ARID3B: variants seen among roughly 807,000 people sequenced by gnomAD.
ARID3B encodes AT-rich interaction domain 3B.
Under a neutral mutation model 51.9 loss-of-function variants are expected in ARID3B, and 10 were observed. That is an observed-to-expected ratio of 0.19 (90% CI 0.12 to 0.33). The LOEUF is 0.33. Among genes scored for constraint, ARID3B ranks in the 10% least tolerant of loss-of-function variants. The pLI is 1.00. For synonymous variants in ARID3B, 205 were observed against 279.5 expected (o/e 0.73, Z 2.66); for missense variants, 483 against 716.3 (o/e 0.67, Z 3.72).
Position 74,593,209 on chromosome 15 carries a change from G to A in ARID3B, c.1492G>A (p.Val498Met). Residue 498 changes from valine to methionine, a missense_variant, in exon 8 of 9, where the codon GTG becomes ATG. Val to Met is a conservative substitution (Grantham distance 21, BLOSUM62 1). Transcript: ENST00000346246. ...TSSIGSINMS[V>M]DIDGTTYAGV... Reference sequence around the variant, plus strand: ...TAGCATTGGGAGCATTAACATGTCTGTGGACATCGATGGCACCACCTATGC... The same window carrying A: ...TAGCATTGGGAGCATTAACATGTCTATGGACATCGATGGCACCACCTATGC... 1 of 1,613,448 alleles carries A rather than the reference G, an allele frequency of 6.2e-7. No homozygotes were observed. The highest frequency in any genetic ancestry group is 1.3e-5 in the African/African-American group (1 of 75,048).
intron 2 of ARID3B, among the ~76,000 whole-genome samples, chr15:74,555,571 A>G (rs1182663761): frequency 4.6e-5 from 7 of 152,068 alleles, no homozygotes; most frequent in African/African-American, 1.7e-4. Context: ...GGTTCAAGCA[A>G]TCCTCCTGCC....
At chr15:74,557,975 C>T (rs1397585766) in intron 2 of ARID3B, among the ~76,000 whole-genome samples, 2 of 151,838 alleles carry the variant, frequency 1.3e-5, no homozygotes, top group East Asian at 3.9e-4. Context: ...GCGCCCGCCA[C>T]CACGCCTAGC....
At chr15:74,541,706 T>G in intron 1 of ARID3B, among the ~76,000 whole-genome samples, 3 of 148,994 alleles carry the variant, frequency 2.0e-5, no homozygotes, top group African/African-American at 5.0e-5. Flanking sequence ...CGTGCAGGGG[T>G]GACCGGGAAG....
At chr15:74,556,413 A>G (rs2061657902) in intron 2 of ARID3B, among the ~76,000 whole-genome samples, 1 of 152,216 alleles carries the variant, frequency 6.6e-6, no homozygotes, top group East Asian at 1.9e-4. Flanking sequence ...GACTGATCAC[A>G]GATCACCATA....
chr15:74,550,433 C>T (rs1457227619), intron 2 of ARID3B, among the ~76,000 whole-genome samples: 6 of 152,070 alleles, frequency 3.9e-5, no homozygotes, highest in Non-Finnish European at 8.8e-5. Context: ...TGGCTCACAC[C>T]TGTAATCCCA....
chr15:74,550,605 G>A (rs1017686700), intron 2 of ARID3B, among the ~76,000 whole-genome samples: 1 of 151,910 alleles, frequency 6.6e-6, no homozygotes, highest in Non-Finnish European at 1.5e-5. Flanking sequence ...TACTCCGGAG[G>A]CTGAGGCAGG....
chr15:74,591,193 C>T lies in ARID3B; in HGVS notation c.924C>T (p.Ala308=), dbSNP rs758444015. ...ATGCCTATGAGTGTGAGAAGAAAGC[C>T]TTGAGTTCCCCAGCCGAGCTCCAGG... ...YLYAYECEKK[A]LSSPAELQAA... The change falls in exon 6 of 9, where the codon GCC becomes GCT. Residue 308 remains alanine, a synonymous_variant. Coordinates refer to ENST00000346246, the MANE Select transcript of ARID3B (RefSeq NM_006465.4). This position sits in a 1 kb window ranked among gnomAD's most constrained non-coding sequence, Gnocchi z 5.8. 1 of 1,612,694 alleles carries T rather than the reference C, an allele frequency of 6.2e-7. No homozygotes were observed. Among genetic ancestry groups the T allele is most frequent in the African/African-American group, 1.3e-5 (1 of 74,894 alleles).
chr15:74,564,428 C>T (rs554789738), intron 2 of ARID3B, among the ~76,000 whole-genome samples: 2 of 152,236 alleles, frequency 1.3e-5, no homozygotes. Context: ...ATGTGGTATA[C>T]GTAATGCCTG....
chr15:74,543,906 T>C lies in ARID3B; in HGVS notation c.-31T>C. On this transcript the variant is annotated 5_prime_UTR_variant, in exon 2 of 9. The change abolishes an upstream ATG in the 5' untranslated region. Transcript: ENST00000346246. Reference sequence around the variant, plus strand: ...TGGGCTGTGCCCAGGTTCAGAGTCATGCCACTCTGTGGGTGAAGCTTGAGG... The same window carrying C: ...TGGGCTGTGCCCAGGTTCAGAGTCACGCCACTCTGTGGGTGAAGCTTGAGG... 1.3e-6 allele frequency: 2 copies of C among 1,585,078 alleles called. No individual in the cohort carries two copies. The highest frequency in any genetic ancestry group is 1.2e-5 in the South Asian group (1 of 84,808).
Position 74,591,081 on chromosome 15 carries a change from C to T in ARID3B, c.882-70C>T. On this transcript the variant is annotated intron_variant, in intron 5 of 8. Coordinates refer to ENST00000346246, the MANE Select transcript of ARID3B (RefSeq NM_006465.4). This position sits in a 1 kb window ranked among gnomAD's most constrained non-coding sequence, Gnocchi z 5.8. ...CCAACAGAGACTGCTTCCAGAGACC[C>T]ACCAACCTCAACTGGGTGGTCTCTG... 6.6e-7 allele frequency: 1 copy of T among 1,524,330 alleles called. No homozygotes were observed. Among genetic ancestry groups the T allele is most frequent in the Non-Finnish European group, 8.8e-7 (1 of 1,133,542 alleles). 94.4% of individuals were successfully genotyped at this position (1,524,330 alleles called of 1,614,324 possible). A position where few individuals can be genotyped will look rare whatever the true frequency, so the allele number is the denominator to read the frequency against.
At chr15:74,565,915 C>A (rs2061696484) in intron 2 of ARID3B, among the ~76,000 whole-genome samples, 1 of 152,160 alleles carries the variant, frequency 6.6e-6, no homozygotes, top group African/African-American at 2.4e-5. Context: ...GGTGTTGTCA[C>A]CCCACCTCAC....
chr15:74,552,001 A>G (rs2061639072), intron 2 of ARID3B, among the ~76,000 whole-genome samples: 1 of 140,738 alleles, frequency 7.1e-6, no homozygotes, highest in Non-Finnish European at 1.6e-5. Context: ...TGCTTTCTAT[A>G]GTCCTTCATT....
chr15:74,593,025 A>G (rs997232117), intron 7 of ARID3B, 113 bp from the exon 8 acceptor site: 1 of 803,830 alleles, frequency 1.2e-6, no homozygotes, highest in Non-Finnish European at 2.0e-6. Flanking sequence ...GGTTACATAG[A>G]TGCCTTTTAA....
In ARID3B at chr15:74,594,120, G is replaced by A. The variant is rs192909504; in HGVS notation, c.1519+884G>A. Reference sequence around the variant, plus strand: ...TCCCATTCCCATTTCATTGGTTTACGGACGAGCTTGGGAACAAGCCCACCT... The same window carrying A: ...TCCCATTCCCATTTCATTGGTTTACAGACGAGCTTGGGAACAAGCCCACCT... On this transcript the variant is annotated intron_variant, in intron 8 of 8. Coordinates refer to ENST00000346246, the MANE Select transcript of ARID3B (RefSeq NM_006465.4). Among the ~76,000 whole-genome samples, 11 of 151,870 alleles carry A rather than the reference G, an allele frequency of 7.2e-5. No homozygotes were observed. In the East Asian group the frequency reaches 1.7e-3, roughly 24 times the overall value.
At chr15:74,567,717 G>C (rs1446216486) in intron 2 of ARID3B, among the ~76,000 whole-genome samples, 1 of 152,128 alleles carries the variant, frequency 6.6e-6, no homozygotes. Flanking sequence ...CTGTAGACCT[G>C]AAATCTTCCT....
intron 1 of ARID3B, among the ~76,000 whole-genome samples, chr15:74,543,500 G>A (rs1009868121): frequency 1.3e-5 from 2 of 152,032 alleles, no homozygotes; most frequent in African/African-American, 2.4e-5. Context: ...TACCTTTTCA[G>A]TAATTAATGT....
At chr15:74,561,147 A>G (rs8029215) in intron 2 of ARID3B, among the ~76,000 whole-genome samples, 37,954 of 152,056 alleles carry the variant, frequency 0.25, 6,365 homozygotes, top group East Asian at 0.55. Flanking sequence ...AAATTTTGAT[A>G]TAGCTAAATT....
At position 74,591,574 on chromosome 15, in the gene ARID3B, G is replaced by A. The variant is rs1264455014; in HGVS notation, c.1180G>A (p.Val394Met). ...TTCCTTTGCAGGTGATGGAGCCCCA[G>A]TGACAACAGTGCCTGTGCCAAATCG... ...TTLRKGDGAP[V>M]TTVPVPNRLA... The change falls in exon 7 of 9, where the codon GTG becomes ATG. Residue 394 changes from valine (V) to methionine (M), a missense_variant. By Grantham distance (21) the Val-to-Met change is conservative (BLOSUM62 1). Transcript: ENST00000346246. This position sits in a 1 kb window ranked among gnomAD's most constrained non-coding sequence, Gnocchi z 5.8. The A allele has an allele frequency of 9.9e-6, 16 of 1,610,988 alleles. No individual in the cohort carries two copies. The highest frequency in any genetic ancestry group is 1.4e-5 in the Non-Finnish European group (16 of 1,178,000).
intron 2 of ARID3B, among the ~76,000 whole-genome samples, chr15:74,566,414 A>G (rs918137597): frequency 3.3e-5 from 5 of 152,202 alleles, no homozygotes; most frequent in African/African-American, 1.2e-4. Context: ...AGCCTGGCCA[A>G]CATGGTAAAA....
Sources: allele counts gnomAD v4.1 joint callset (sites outside exome capture counted in the v4.1 genomes callset), GRCh38; gene constraint gnomAD v4.1.1; non-coding constraint Gnocchi (gnomAD v3.1); transcripts MANE v1.5; gene names NCBI Gene and HGNC (gene_info 2026-07-23, HGNC 2026-07-21).